Variants in SLC8A1 observed in about 807,000 individuals in gnomAD.
SLC8A1 encodes sodium/calcium exchanger 1.
In SLC8A1, 18 loss-of-function variants were observed where a neutral mutation model predicts 68.3. That is an observed-to-expected ratio of 0.26 (90% confidence interval 0.18 to 0.39). The LOEUF (loss-of-function observed/expected upper bound fraction) is 0.39, where lower values mean the gene tolerates loss of function less well. Among genes scored for constraint, SLC8A1 ranks in the 10% least tolerant of loss-of-function variants. The pLI is 1.00. For missense variants in SLC8A1, 985 were observed against 1,156.7 expected, an observed-to-expected ratio of 0.85 and a Z score of 2.15; for synonymous variants, 475 against 415.5, an observed-to-expected ratio of 1.14 and a Z score of -1.74.
intron 5 of SLC8A1, among the ~76,000 whole-genome samples, chr2:40,162,239 T>C (rs561460206): frequency 6.6e-6 from 1 of 152,338 alleles, no homozygotes; most frequent in African/African-American, 2.4e-5. Flanking sequence ...CTTGAAGCAC[T>C]TGACCAGCAT....
At chr2:40,200,172 T>TCA (rs1553407525) in intron 2 of SLC8A1, among the ~76,000 whole-genome samples, 1 of 27,570 alleles carries the variant, frequency 3.6e-5, no homozygotes, top group Non-Finnish European at 9.2e-5. Context: ...TTCAAGTCAT[T>TCA]GATATATATA....
intron 2 of SLC8A1, among the ~76,000 whole-genome samples, chr2:40,254,191 G>C (rs971468252): frequency 1.3e-5 from 2 of 151,892 alleles, no homozygotes; most frequent in East Asian, 1.9e-4. Context: ...TATAAAAAAA[G>C]AAAATAAAAG....
At chr2:40,159,037 A>C (rs901780059) in intron 6 of SLC8A1, among the ~76,000 whole-genome samples, 1 of 152,144 alleles carries the variant, frequency 6.6e-6, no homozygotes, top group Non-Finnish European at 1.5e-5. Context: ...TGAGAGTCAT[A>C]AAACTATGTG....
intron 2 of SLC8A1, among the ~76,000 whole-genome samples, chr2:40,348,907 A>C (rs896852591): frequency 5.3e-5 from 8 of 152,168 alleles, no homozygotes; most frequent in Non-Finnish European, 8.8e-5. Flanking sequence ...CTTTGACCTA[A>C]TGAAGAGAAA....
intron 2 of SLC8A1, among the ~76,000 whole-genome samples, chr2:40,342,413 G>A (rs1021743573): frequency 4.6e-5 from 7 of 152,082 alleles, no homozygotes; most frequent in African/African-American, 1.7e-4. Context: ...CAGTGATACA[G>A]AAATTTTGTT....
At chr2:40,379,839 A>G (rs2149544441) in intron 2 of SLC8A1, among the ~76,000 whole-genome samples, 1 of 152,202 alleles carries the variant, frequency 6.6e-6, no homozygotes, top group East Asian at 1.9e-4. Context: ...ATATCTATTA[A>G]AGTTCTCAGG....
intron 2 of SLC8A1, among the ~76,000 whole-genome samples, chr2:40,278,107 A>C (rs1168445437): frequency 6.6e-6 from 1 of 151,982 alleles, no homozygotes; most frequent in Non-Finnish European, 1.5e-5. Context: ...ACTGGTTTTT[A>C]CACTTTTAAT....
intron 1 of SLC8A1, among the ~76,000 whole-genome samples, chr2:40,511,181 A>G (rs911645013): frequency 7.9e-5 from 12 of 152,198 alleles, no homozygotes; most frequent in African/African-American, 2.9e-4. Flanking sequence ...TCTAGATTGA[A>G]AACTTAGCTA....
At chr2:40,219,915 A>C (rs374516357) in intron 2 of SLC8A1, among the ~76,000 whole-genome samples, 52 of 22,154 alleles carry the variant, frequency 2.3e-3, no homozygotes, top group African/African-American at 5.6e-3. Context: ...GAAAATCAAT[A>C]CATCTTTCTG....
intron 2 of SLC8A1, among the ~76,000 whole-genome samples, chr2:40,229,750 G>T (rs1241170763): frequency 6.6e-6 from 1 of 152,120 alleles, no homozygotes; most frequent in Non-Finnish European, 1.5e-5. Context: ...CAAAATTCGT[G>T]TGCTGTATCT....
At chr2:40,248,488 T>G (rs537689405) in intron 2 of SLC8A1, among the ~76,000 whole-genome samples, 1 of 152,234 alleles carries the variant, frequency 6.6e-6, no homozygotes, top group East Asian at 1.9e-4. Flanking sequence ...AAATTGTACT[T>G]CACCAGACAC....
At chr2:40,503,438 G>C (rs971668776) in intron 1 of SLC8A1, among the ~76,000 whole-genome samples, 2 of 151,950 alleles carry the variant, frequency 1.3e-5, no homozygotes, top group African/African-American at 4.8e-5. Flanking sequence ...ATTCAACATA[G>C]TGCTAGAAGT....
intron 1 of SLC8A1, among the ~76,000 whole-genome samples, chr2:40,510,172 C>T (rs1433345465): frequency 1.3e-5 from 2 of 152,114 alleles, no homozygotes; most frequent in East Asian, 3.9e-4. Context: ...AGACTGCCAA[C>T]ACCTTCAATT....
intron 2 of SLC8A1, among the ~76,000 whole-genome samples, chr2:40,271,941 A>C (rs1260772314): frequency 6.6e-6 from 1 of 152,002 alleles, no homozygotes; most frequent in African/African-American, 2.4e-5. Flanking sequence ...GTCATAGCTC[A>C]CTGCAGCCTC....
intron 2 of SLC8A1, among the ~76,000 whole-genome samples, chr2:40,221,685 A>C (rs1171585371): frequency 6.6e-6 from 1 of 152,154 alleles, no homozygotes; most frequent in Non-Finnish European, 1.5e-5. Context: ...GTCTCTGGAT[A>C]CAAAATCAAT....
intron 2 of SLC8A1, among the ~76,000 whole-genome samples, chr2:40,423,798 C>G (rs1696145183): frequency 6.6e-6 from 1 of 151,894 alleles, no homozygotes; most frequent in Non-Finnish European, 1.5e-5. Flanking sequence ...TTTTTTGGCT[C>G]TTATCCTATC....
At position 40,200,249 on chromosome 2, in the gene SLC8A1, T is replaced by TATATATAA. The variant is rs1558723523; in HGVS notation, c.1809-22395_1809-22394insTTATATAT. Among the ~76,000 whole-genome samples the TATATATAA allele has an allele frequency of 1.5e-3, 40 of 26,990 alleles. 3 individuals carry two copies. Among genetic ancestry groups the TATATATAA allele is most frequent in the African/African-American group, 3.1e-3 (35 of 11,398 alleles). 17.7% of individuals were successfully genotyped at this position (26,990 alleles called of 152,430 possible). A position where few individuals can be genotyped will look rare whatever the true frequency, so the allele number is the denominator to read the frequency against. ...TTATATATATATATAAATATATATA[T>TATATATAA]ATATATATATATATATATAACCTCT... On this transcript the variant is annotated intron_variant, in intron 2 of 7. Transcript: ENST00000406785.
At chr2:40,251,434 G>GAGAAATAACAAGAATGGAAGA (rs1322412038) in intron 2 of SLC8A1, 1 of 152,198 alleles carries the variant, frequency 6.6e-6, no homozygotes, top group Admixed American at 6.5e-5. Context: ...GGCAGAGAGG[G>GAGAAATAACAAGAATGGAAGA]AGAAATAACA....
intron 2 of SLC8A1, chr2:40,337,296 T>C: frequency 2.8e-6 from 1 of 352,330 alleles, no homozygotes; most frequent in Non-Finnish European, 6.4e-6. Flanking sequence ...TTTAGTATGT[T>C]TATGCATCAT....
Sources: gnomAD v4.1 joint callset for allele counts (sites outside exome capture counted in the v4.1 genomes callset) on GRCh38, gnomAD v4.1.1 for gene constraint, MANE v1.5 for transcripts, NCBI Gene and HGNC (gene_info 2026-07-23, HGNC 2026-07-21) for gene names.